Variants in RABGAP1L observed in about 807,000 individuals in gnomAD.
RABGAP1L encodes the protein rab GTPase-activating protein 1-like.
A neutral mutation model predicts 137.7 loss-of-function variants in RABGAP1L; 63 were observed. The observed-to-expected ratio is 0.46, with a 90% CI of 0.37 to 0.56. The LOEUF is 0.56. RABGAP1L is among the 20% of genes least tolerant of loss of function. The pLI, the probability that RABGAP1L is intolerant of heterozygous loss-of-function variation, is 0.00. For missense variants in RABGAP1L, 1,095 were observed against 1,244.0 expected, an observed-to-expected ratio of 0.88 and a Z score of 1.80; for synonymous variants, 431 against 433.7, an observed-to-expected ratio of 0.99 and a Z score of 0.08.
chr1:174,307,082 A>G (rs1375063566), intron 11 of RABGAP1L, among the ~76,000 whole-genome samples: 1 of 150,004 alleles, frequency 6.7e-6, no homozygotes, highest in African/African-American at 2.4e-5. Context: ...GAGTCTTACA[A>G]TCCCATGAAT....
intron 5 of RABGAP1L, 66 bp from the exon 6 acceptor site, chr1:174,250,409 G>A (rs1440332514): frequency 8.8e-6 from 11 of 1,246,706 alleles, no homozygotes; most frequent in Non-Finnish European, 1.2e-5. Flanking sequence ...CAAGAGTTAG[G>A]AGAGAAGGAT....
chr1:174,803,617 T>A (rs920946470), intron 18 of RABGAP1L, among the ~76,000 whole-genome samples: 2 of 152,122 alleles, frequency 1.3e-5, no homozygotes, highest in African/African-American at 2.4e-5. Flanking sequence ...TTAGATTTTT[T>A]TTTTTTCAAA....
chr1:174,771,584 T>C (rs958952575), intron 18 of RABGAP1L, among the ~76,000 whole-genome samples: 19 of 152,198 alleles, frequency 1.2e-4, no homozygotes, highest in Non-Finnish European at 2.6e-4. Flanking sequence ...AACTTAAAAA[T>C]CTCTTTATAA....
intron 18 of RABGAP1L, among the ~76,000 whole-genome samples, chr1:174,768,491 A>G (rs1434564588): frequency 6.6e-6 from 1 of 152,226 alleles, no homozygotes; most frequent in African/African-American, 2.4e-5. Context: ...TGGGAACACT[A>G]GTCAACTGGT....
chr1:174,566,305 T>A (rs1667581459), intron 13 of RABGAP1L, among the ~76,000 whole-genome samples: 1 of 152,140 alleles, frequency 6.6e-6, no homozygotes, highest in South Asian at 2.1e-4. Flanking sequence ...CAAAGAGTTT[T>A]TTTGTTTGTT....
chr1:174,952,974 C>T (rs1667947898), intron 19 of RABGAP1L, among the ~76,000 whole-genome samples: 1 of 149,132 alleles, frequency 6.7e-6, no homozygotes, highest in South Asian at 2.1e-4. Flanking sequence ...AGCAGCCTGG[C>T]CAACATGGGG....
chr1:174,654,856 A>C (rs575746464), intron 14 of RABGAP1L, among the ~76,000 whole-genome samples: 63 of 152,208 alleles, frequency 4.1e-4, no homozygotes, highest in Non-Finnish European at 1.5e-4. Context: ...TCCAGTGTTT[A>C]TTTCACATCA....
At chr1:174,856,659 G>T (rs1404661814) in intron 19 of RABGAP1L, among the ~76,000 whole-genome samples, 1 of 152,062 alleles carries the variant, frequency 6.6e-6, no homozygotes, top group Non-Finnish European at 1.5e-5. Flanking sequence ...AGGTGCAGTG[G>T]CTCACACCTG....
At chr1:174,673,564 A>T (rs1677345138) in intron 14 of RABGAP1L, among the ~76,000 whole-genome samples, 1 of 152,214 alleles carries the variant, frequency 6.6e-6, no homozygotes. Context: ...AAGCAAAAAG[A>T]AAATGCTAAA....
chr1:174,923,796 G>C (rs943399055), intron 19 of RABGAP1L, among the ~76,000 whole-genome samples: 2 of 150,460 alleles, frequency 1.3e-5, no homozygotes, highest in African/African-American at 4.9e-5. Flanking sequence ...CAGGAGAATC[G>C]CGTCAACCTG....
At chr1:174,890,636 GC>G (rs1415278360) in intron 19 of RABGAP1L, among the ~76,000 whole-genome samples, 1 of 151,970 alleles carries the variant, frequency 6.6e-6, no homozygotes, top group Non-Finnish European at 1.5e-5. Flanking sequence ...TGTTTTCCCA[GC>G]AGTTTTAGTA....
intron 12 of RABGAP1L, among the ~76,000 whole-genome samples, chr1:174,374,392 T>G (rs185260801): frequency 6.6e-6 from 1 of 152,310 alleles, no homozygotes; most frequent in East Asian, 1.9e-4. Context: ...TTACTGGCTC[T>G]CACATTACTG....
intron 19 of RABGAP1L, among the ~76,000 whole-genome samples, chr1:174,915,940 T>C (rs1037397691): frequency 2.0e-5 from 3 of 152,158 alleles, no homozygotes; most frequent in African/African-American, 7.2e-5. Flanking sequence ...ATTTTTTTCT[T>C]TTATGGATTA....
chr1:174,973,380 A>ATTTTTTTTTTTT (rs1558296607), intron 21 of RABGAP1L, among the ~76,000 whole-genome samples: 1 of 130,618 alleles, frequency 7.7e-6, no homozygotes, highest in Non-Finnish European at 1.7e-5. Context: ...TTTTTCTTTC[A>ATTTTTTTTTTTT]TTTCTTTTTT....
At chr1:174,980,343 T>C (rs1670988872) in intron 23 of RABGAP1L, among the ~76,000 whole-genome samples, 1 of 152,254 alleles carries the variant, frequency 6.6e-6, no homozygotes, top group South Asian at 2.1e-4. Context: ...TGAGGCTTAA[T>C]ACTTTGACAG....
At chr1:174,547,172 C>A (rs1250316951) in intron 13 of RABGAP1L, among the ~76,000 whole-genome samples, 1 of 150,988 alleles carries the variant, frequency 6.6e-6, no homozygotes, top group Middle Eastern at 3.2e-3. Context: ...AATCTTCATT[C>A]TTGATCTTGC....
chr1:174,940,266 C>CTTTTT (rs531025242), intron 19 of RABGAP1L, among the ~76,000 whole-genome samples: 1 of 140,794 alleles, frequency 7.1e-6, no homozygotes, highest in African/African-American at 2.6e-5. Flanking sequence ...TTGTTTGTTT[C>CTTTTT]TTTTTTTTTT....
At chr1:174,317,519 A>G (rs1679492548) in intron 11 of RABGAP1L, among the ~76,000 whole-genome samples, 1 of 152,058 alleles carries the variant, frequency 6.6e-6, no homozygotes, top group South Asian at 2.1e-4. Flanking sequence ...TCCAAGATGT[A>G]AGACAAAGTC....
At chr1:174,896,069 A>C (rs1031903331) in intron 19 of RABGAP1L, among the ~76,000 whole-genome samples, 12 of 152,202 alleles carry the variant, frequency 7.9e-5, no homozygotes, top group African/African-American at 2.9e-4. Flanking sequence ...ACAATGTAAA[A>C]GTGTTCCTAT....
Sources: gnomAD v4.1 joint callset for allele counts (sites outside exome capture counted in the v4.1 genomes callset) on GRCh38, gnomAD v4.1.1 for gene constraint, MANE v1.5 for transcripts, NCBI Gene and HGNC (gene_info 2026-07-23, HGNC 2026-07-21) for gene names.